TMEM184B: variants seen among roughly 807,000 people sequenced by gnomAD.
TMEM184B encodes the protein putative MAPK-activating protein FM08.
A neutral mutation model predicts 41.8 loss-of-function variants in TMEM184B; 17 were observed. The ratio of observed to expected loss-of-function variants is 0.41; its 90% CI spans 0.28 to 0.61. TMEM184B has a LOEUF of 0.61. Ranked by LOEUF, TMEM184B falls within the 20% of genes least tolerant of loss-of-function variation. The pLI is 0.34. For synonymous variants in TMEM184B, 240 were observed against 229.5 expected (o/e 1.05, Z -0.41); for missense variants, 393 against 557.8 (o/e 0.70, Z 2.98).
At chr22:38,263,064 G>GTACAT (rs2092394352) in intron 1 of TMEM184B, among the ~76,000 whole-genome samples, 1 of 152,050 alleles carries the variant, frequency 6.6e-6, no homozygotes, top group Non-Finnish European at 1.5e-5. Context: ...CACCATGTCT[G>GTACAT]GCTAATTTGT....
chr22:38,219,157 G>A (rs114889195), downstream of TMEM184B: 2,528 of 695,766 alleles, frequency 3.6e-3, 56 homozygotes, highest in African/African-American at 0.046. Flanking sequence ...CTATCAATCC[G>A]AACCCCCATC....
At chr22:38,238,391 A>G (rs2091832170) in intron 3 of TMEM184B, among the ~76,000 whole-genome samples, 1 of 150,136 alleles carries the variant, frequency 6.7e-6, no homozygotes, top group Non-Finnish European at 1.5e-5. Flanking sequence ...ACGCCCAGCT[A>G]ATTTTTGTAT....
chr22:38,259,912 G>T (rs1181848667), intron 1 of TMEM184B, among the ~76,000 whole-genome samples: 2 of 148,214 alleles, frequency 1.3e-5, no homozygotes, highest in East Asian at 4.0e-4. Context: ...AGTAGCTGGG[G>T]TTACAGGCAC....
intron 1 of TMEM184B, among the ~76,000 whole-genome samples, chr22:38,248,904 C>A (rs1277341647): frequency 1.3e-5 from 2 of 152,216 alleles, no homozygotes; most frequent in Non-Finnish European, 2.9e-5. Flanking sequence ...CACTCCCCAT[C>A]ATCCAGCTGT....
Position 38,226,664 on chromosome 22 carries a change from G to A in TMEM184B, c.617+115C>T. ...GACTTCAGGGGGGTTGTGAGCACCA[G>A]ACACCCAGGAAGGTCATGGCTGTGC... On this transcript the variant is annotated intron_variant, in intron 6 of 8. Transcript: ENST00000361906. This position sits in a 1 kb window ranked among gnomAD's most constrained non-coding sequence, Gnocchi z 4.6. 1 of 1,042,734 alleles carries A rather than the reference G, an allele frequency of 9.6e-7. No homozygotes were observed. Among genetic ancestry groups the A allele is most frequent in the South Asian group, 1.5e-5 (1 of 66,268 alleles). The allele number at this position is 1,042,734 out of a possible 1,614,324, so 64.6% of individuals were successfully genotyped here. A position where few individuals can be genotyped will look rare whatever the true frequency, so the allele number is the denominator to read the frequency against.
chr22:38,262,014 A>G (rs1166591998), intron 1 of TMEM184B, among the ~76,000 whole-genome samples: 3 of 152,282 alleles, frequency 2.0e-5, no homozygotes, highest in Non-Finnish European at 4.4e-5. Context: ...GGCTGGACAT[A>G]ACCCAATGCC....
At chr22:38,271,160 C>G (rs1214030186) in intron 1 of TMEM184B, among the ~76,000 whole-genome samples, 1 of 152,210 alleles carries the variant, frequency 6.6e-6, no homozygotes, top group Non-Finnish European at 1.5e-5. Flanking sequence ...CTATTGGAGC[C>G]TCGTATCCAG....
At chr22:38,268,019 C>T (rs935553868) in intron 1 of TMEM184B, among the ~76,000 whole-genome samples, 1 of 152,188 alleles carries the variant, frequency 6.6e-6, no homozygotes. Context: ...CAGCTGTCAG[C>T]CACCTCTGCA....
rs112548534 is a variant in TMEM184B, at chr22:38,226,902, G to A, written c.526-32C>T. On this transcript the variant is annotated intron_variant, in intron 5 of 8. Transcript: ENST00000361906. The surrounding 1 kb of genome is among the most constrained non-coding windows in gnomAD (Gnocchi z 4.6). ...GGGGGAAAAGGAGGTTGAGTGTGGAGGAGGAGCACAGAAGGCATGAAGCAA... is the reference window on the plus strand; with the variant it reads ...GGGGGAAAAGGAGGTTGAGTGTGGAAGAGGAGCACAGAAGGCATGAAGCAA... 5 of 1,541,180 alleles carry A rather than the reference G, an allele frequency of 3.2e-6. No homozygotes were observed. In the South Asian group the frequency reaches 5.9e-5, roughly 18 times the overall value.
chr22:38,231,359 A>G, intron 3 of TMEM184B, 25 bp from the exon 4 acceptor site: 2 of 1,594,030 alleles, frequency 1.3e-6, no homozygotes, highest in Non-Finnish European at 1.7e-6. Context: ...TCCAGGAGAA[A>G]CCAGTCAAAT....
chr22:38,226,417 T>A lies in TMEM184B; in HGVS notation c.617+362A>T, dbSNP rs139895563. ...TTCACTAAGCCCAGAATGAAATGGG[T>A]GTGGACAATTTACACAGCACGGGCT... is the stretch of plus-strand genomic sequence containing the variant. On this transcript the variant is annotated intron_variant, in intron 6 of 8. Transcript: ENST00000361906. This position sits in a 1 kb window ranked among gnomAD's most constrained non-coding sequence, Gnocchi z 4.6. 1.8e-3 allele frequency: 414 copies of A among 234,464 alleles called. 5 individuals carry two copies. In the East Asian group the frequency reaches 0.031, roughly 17 times the overall value. The allele number at this position is 234,464 out of a possible 1,614,324, so 14.5% of individuals were successfully genotyped here.
At chr22:38,228,079 C>A (rs568932208) in intron 5 of TMEM184B, among the ~76,000 whole-genome samples, 2 of 152,290 alleles carry the variant, frequency 1.3e-5, no homozygotes, top group East Asian at 1.9e-4. Context: ...AACTGGGGAT[C>A]TGAGTGGGTC....
chr22:38,217,416 A>G (rs9622756), downstream of TMEM184B, among the ~76,000 whole-genome samples: 33,475 of 45,432 alleles, frequency 0.74, 12,757 homozygotes, highest in East Asian at 0.79. Flanking sequence ...TGAGGCAGGC[A>G]GATCACGAGG....
intron 1 of TMEM184B, among the ~76,000 whole-genome samples, chr22:38,265,623 T>C (rs977132357): frequency 6.6e-6 from 1 of 152,194 alleles, no homozygotes; most frequent in Non-Finnish European, 1.5e-5. Context: ...TAAAACCATA[T>C]ATTTGAAATA....
intron 3 of TMEM184B, among the ~76,000 whole-genome samples, chr22:38,235,603 T>C (rs1280424971): frequency 6.6e-6 from 1 of 152,096 alleles, no homozygotes; most frequent in Non-Finnish European, 1.5e-5. Context: ...AAACAATCAT[T>C]AGTGAGTCGA....
chr22:38,226,637 C>T lies in TMEM184B; in HGVS notation c.617+142G>A. On this transcript the variant is annotated intron_variant, in intron 6 of 8. Coordinates refer to ENST00000361906, the MANE Select transcript of TMEM184B (RefSeq NM_012264.5). This position sits in a 1 kb window ranked among gnomAD's most constrained non-coding sequence, Gnocchi z 4.6. ...CTGCAAGGGTGTCCACTGCTGGGCT[C>T]AGACTTCAGGGGGGTTGTGAGCACC... 2 of 812,502 alleles carry T rather than the reference C, an allele frequency of 2.5e-6. No homozygotes were observed. Among genetic ancestry groups the T allele is most frequent in the Non-Finnish European group, 3.9e-6 (2 of 514,586 alleles). The allele number at this position is 812,502 out of a possible 1,614,324, so 50.3% of individuals were successfully genotyped here. A position where few individuals can be genotyped will look rare whatever the true frequency, so the allele number is the denominator to read the frequency against.
intron 1 of TMEM184B, among the ~76,000 whole-genome samples, chr22:38,271,960 ACT>A (rs1345735302): frequency 1.3e-5 from 2 of 152,062 alleles, no homozygotes; most frequent in African/African-American, 2.4e-5. Flanking sequence ...TGCCTGGCTG[ACT>A]CTGCAGCGCA....
chr22:38,231,361 C>G (rs765095859), intron 3 of TMEM184B, 27 bp from the exon 4 acceptor site: 16 of 1,576,752 alleles, frequency 1.0e-5, no homozygotes, highest in Non-Finnish European at 1.4e-5. Context: ...CAGGAGAAAC[C>G]AGTCAAATCA....
intron 3 of TMEM184B, chr22:38,231,565 C>A (rs1364029501): frequency 4.6e-6 from 3 of 658,050 alleles, no homozygotes; most frequent in Non-Finnish European, 8.3e-6. Flanking sequence ...CCGGGATGCA[C>A]CCCTGCACTG....
Sources: gnomAD v4.1 joint callset for allele counts (sites outside exome capture counted in the v4.1 genomes callset) on GRCh38, gnomAD v4.1.1 for gene constraint, Gnocchi (gnomAD v3.1) non-coding constraint, MANE v1.5 for transcripts, NCBI Gene and HGNC (gene_info 2026-07-23, HGNC 2026-07-21) for gene names.